Variants in DSCAML1 observed in about 807,000 individuals in gnomAD.
DSCAML1 encodes cell adhesion molecule DSCAML1.
DSCAML1 carries 38 observed loss-of-function variants against 200.5 expected under a neutral mutation model. The ratio of observed to expected loss-of-function variants is 0.19; its 90% confidence interval spans 0.15 to 0.25. DSCAML1 has a LOEUF of 0.25. Among genes scored for constraint, DSCAML1 ranks in the 10% least tolerant of loss-of-function variants. The pLI is 1.00. For synonymous variants in DSCAML1, 1,215 were observed against 1,165.0 expected, an observed-to-expected ratio of 1.04 and a Z score of -0.87; for missense variants, 2,223 against 2,858.8, an observed-to-expected ratio of 0.78 and a Z score of 5.07.
intron 3 of DSCAML1, among the ~76,000 whole-genome samples, chr11:117,586,035 G>A (rs542163843): frequency 2.2e-4 from 34 of 152,256 alleles, no homozygotes; most frequent in Admixed American, 7.2e-4. Flanking sequence ...AGGCATGAGG[G>A]CCCTTGATGG....
At chr11:117,517,998 G>A (rs1380460251) in intron 7 of DSCAML1, among the ~76,000 whole-genome samples, 3 of 152,194 alleles carry the variant, frequency 2.0e-5, no homozygotes, top group African/African-American at 7.2e-5. Flanking sequence ...CATTTTGGGG[G>A]CTGGCTCAGT....
intron 3 of DSCAML1, among the ~76,000 whole-genome samples, chr11:117,732,773 G>A (rs1368306459): frequency 6.6e-6 from 1 of 152,036 alleles, no homozygotes; most frequent in East Asian, 1.9e-4. Context: ...CATGAAATAT[G>A]GGAAAAGCCA....
At chr11:117,716,518 C>A (rs748839529) in intron 3 of DSCAML1, among the ~76,000 whole-genome samples, 1 of 152,160 alleles carries the variant, frequency 6.6e-6, no homozygotes, top group Non-Finnish European at 1.5e-5. Flanking sequence ...GCAAAACCAG[C>A]TCACCCCATC....
chr11:117,473,628 A>C lies in DSCAML1; in HGVS notation c.2786-1592T>G, dbSNP rs564987546. ...AGTTGAGATCTTGATGGTTTGCAAA[A>C]CACCACTTATAGCTGCTCAGGCTTA... is the stretch of plus-strand genomic sequence containing the variant. On this transcript the variant is annotated intron_variant, in intron 14 of 32. Coordinates refer to ENST00000651296, the MANE Select transcript of DSCAML1 (RefSeq NM_020693.4). Among the ~76,000 whole-genome samples, 62 of 152,174 alleles carry C rather than the reference A, an allele frequency of 4.1e-4. 1 individual carries two copies. Among genetic ancestry groups the C allele is most frequent in the Non-Finnish European group, 7.8e-4 (53 of 68,036 alleles).
upstream of DSCAML1, among the ~76,000 whole-genome samples, chr11:117,797,938 T>G (rs1171828517): frequency 6.6e-6 from 1 of 152,208 alleles, no homozygotes; most frequent in Non-Finnish European, 1.5e-5. Context: ...CTCATCTTTA[T>G]GAAGTTGGCA....
intron 1 of DSCAML1, among the ~76,000 whole-genome samples, chr11:117,815,388 G>A (rs908933081): frequency 6.6e-6 from 1 of 152,198 alleles, no homozygotes; most frequent in Non-Finnish European, 1.5e-5. Context: ...AGAGCTGGCA[G>A]TGAAACCAAT....
At chr11:117,569,796 C>T (rs1268348166) in intron 3 of DSCAML1, among the ~76,000 whole-genome samples, 1 of 152,158 alleles carries the variant, frequency 6.6e-6, no homozygotes, top group African/African-American at 2.4e-5. Flanking sequence ...GCCTGGCTCC[C>T]AAGGTCTCCT....
Position 117,516,366 on chromosome 11 carries a change from A to C in DSCAML1, c.1783+101T>G. On this transcript the variant is annotated intron_variant, in intron 8 of 32. Transcript: ENST00000651296. This position sits in a 1 kb window ranked among gnomAD's most constrained non-coding sequence, Gnocchi z 5.7. ...GCCTCTCTTGCTCAGCCTTCCGTTCACCCAGGATTGCCTATTGTTGTCTGA... is the reference window on the plus strand; with the variant it reads ...GCCTCTCTTGCTCAGCCTTCCGTTCCCCCAGGATTGCCTATTGTTGTCTGA... The C allele has an allele frequency of 6.9e-7, 1 of 1,447,472 alleles. No homozygotes were observed. The highest frequency in any genetic ancestry group is 2.3e-5 in the East Asian group (1 of 43,378). The allele number at this position is 1,447,472 out of a possible 1,614,324, so 89.7% of individuals were successfully genotyped here.
At chr11:117,432,787 T>G (rs1181811068) in intron 29 of DSCAML1, among the ~76,000 whole-genome samples, 16 of 151,564 alleles carry the variant, frequency 1.1e-4, no homozygotes, top group South Asian at 2.1e-4. Flanking sequence ...TTTTTTTTTT[T>G]TGTGGTAGAA....
In DSCAML1 at chr11:117,712,896, T is replaced by G. The variant is rs535132787; in HGVS notation, c.511+63895A>C. Among the ~76,000 whole-genome samples, 7 of 152,064 alleles carry G rather than the reference T, an allele frequency of 4.6e-5. No individual in the cohort carries two copies. In the East Asian group the frequency reaches 1.4e-3, roughly 30 times the overall value. ...GACTGACTCCCTTTCTGGGGCTGAG[T>G]GAGTGTGCTCATTCCTCAGGAAGCC... On this transcript the variant is annotated intron_variant, in intron 3 of 32. Coordinates refer to ENST00000651296, the MANE Select transcript of DSCAML1 (RefSeq NM_020693.4).
intron 3 of DSCAML1, among the ~76,000 whole-genome samples, chr11:117,647,935 C>T (rs963957917): frequency 3.9e-5 from 6 of 152,156 alleles, no homozygotes; most frequent in East Asian, 1.9e-4. Flanking sequence ...TGTCACGTCC[C>T]GCCGGCACGA....
At chr11:117,671,553 T>A (rs1038777317) in intron 3 of DSCAML1, among the ~76,000 whole-genome samples, 1 of 152,206 alleles carries the variant, frequency 6.6e-6, no homozygotes, top group African/African-American at 2.4e-5. Flanking sequence ...AGGATTGTGT[T>A]CCAAATGCAG....
chr11:117,816,399 G>A (rs1460933920), intron 1 of DSCAML1, among the ~76,000 whole-genome samples: 1 of 152,224 alleles, frequency 6.6e-6, no homozygotes, highest in Non-Finnish European at 1.5e-5. Context: ...ATTTGCCTCT[G>A]ATCTCCGCTG....
chr11:117,525,720 A>T (rs1013611080), intron 4 of DSCAML1, among the ~76,000 whole-genome samples: 2 of 152,192 alleles, frequency 1.3e-5, no homozygotes, highest in African/African-American at 4.8e-5. Context: ...TTGGCCTCTG[A>T]AAATGCTGAG....
At chr11:117,440,587 C>A (rs1002033767) in intron 21 of DSCAML1, among the ~76,000 whole-genome samples, 1 of 152,062 alleles carries the variant, frequency 6.6e-6, no homozygotes, top group Non-Finnish European at 1.5e-5. Flanking sequence ...GACTGGACTC[C>A]CTCTTAGAAA....
chr11:117,552,064 T>C (rs1334746050), intron 3 of DSCAML1, among the ~76,000 whole-genome samples: 5 of 103,584 alleles, frequency 4.8e-5, no homozygotes, highest in Admixed American at 1.1e-4. Flanking sequence ...TGGGGGCAGC[T>C]GCGGGGAAGG....
intron 3 of DSCAML1, among the ~76,000 whole-genome samples, chr11:117,706,314 C>T (rs1486164649): frequency 1.3e-5 from 2 of 152,108 alleles, no homozygotes; most frequent in African/African-American, 4.8e-5. Flanking sequence ...CGATTGTTTC[C>T]AATCGGCCTC....
intron 3 of DSCAML1, among the ~76,000 whole-genome samples, chr11:117,702,770 T>C (rs962004288): frequency 2.6e-5 from 4 of 152,226 alleles, no homozygotes; most frequent in Admixed American, 6.5e-5. Flanking sequence ...TTTAGCTTCA[T>C]TTCCAACTGT....
intron 3 of DSCAML1, among the ~76,000 whole-genome samples, chr11:117,758,596 G>A (rs936288867): frequency 6.6e-6 from 1 of 151,908 alleles, no homozygotes; most frequent in Non-Finnish European, 1.5e-5. Flanking sequence ...TAGAGATGGG[G>A]TTTCACCGTG....
Sources: gnomAD v4.1 joint callset for allele counts (sites outside exome capture counted in the v4.1 genomes callset) on GRCh38, gnomAD v4.1.1 for gene constraint, Gnocchi (gnomAD v3.1) non-coding constraint, MANE v1.5 for transcripts, NCBI Gene and HGNC (gene_info 2026-07-23, HGNC 2026-07-21) for gene names.